Variants in MITF observed in about 807,000 individuals in gnomAD.
The protein encoded by MITF is melanocyte inducing transcription factor.
MITF carries 17 observed loss-of-function variants against 60.5 expected under a neutral mutation model. The observed-to-expected ratio is 0.28, with a 90% confidence interval of 0.19 to 0.42. The LOEUF is 0.42. Ranked by LOEUF, MITF falls within the 10% of genes least tolerant of loss-of-function variation. The pLI, the probability that MITF is intolerant of heterozygous loss-of-function variation, is 1.00. For synonymous variants in MITF, 260 were observed against 248.5 expected (o/e 1.05, Z -0.43); for missense variants, 622 against 683.5 (o/e 0.91, Z 1.00).
chr3:69,751,381 G>A (rs1052336316), intron 1 of MITF, among the ~76,000 whole-genome samples: 4 of 152,060 alleles, frequency 2.6e-5, no homozygotes, highest in African/African-American at 9.7e-5. Flanking sequence ...CGTTCCCCTT[G>A]TTCTGAATCT....
At chr3:69,855,825 G>C (rs1375986100) in intron 1 of MITF, among the ~76,000 whole-genome samples, 1 of 152,134 alleles carries the variant, frequency 6.6e-6, no homozygotes, top group African/African-American at 2.4e-5. Flanking sequence ...GCATCAACCT[G>C]TAGCATGCCT....
At chr3:69,830,552 C>T (rs2063429477) in intron 1 of MITF, among the ~76,000 whole-genome samples, 1 of 152,170 alleles carries the variant, frequency 6.6e-6, no homozygotes, top group Non-Finnish European at 1.5e-5. Flanking sequence ...TTAACATTTT[C>T]TGTGCTTAGT....
rs1284114589 is a variant in MITF at position 69,959,253 on chromosome 3, T to C, written c.1032-20T>C. 1 of 1,613,614 alleles carries C rather than the reference T, an allele frequency of 6.2e-7. No homozygotes were observed. On this transcript the variant is annotated intron_variant, in intron 8 of 9. Coordinates refer to ENST00000352241, the MANE Select transcript of MITF (RefSeq NM_001354604.2). The stretch of plus-strand genomic sequence containing the variant: ...GCCTCAAATCCTAAAAATATCTGTT[T>C]TCCTCCATTTTCATCGCAGAGACAT...
intron 2 of MITF, among the ~76,000 whole-genome samples, chr3:69,929,881 A>T (rs2065679076): frequency 6.6e-6 from 1 of 152,130 alleles, no homozygotes; most frequent in South Asian, 2.1e-4. Context: ...GAAGATGGAA[A>T]CAATATTTCT....
intron 1 of MITF, among the ~76,000 whole-genome samples, chr3:69,858,720 C>T (rs2063961860): frequency 6.6e-6 from 1 of 152,104 alleles, no homozygotes; most frequent in African/African-American, 2.4e-5. Flanking sequence ...ATATATTATT[C>T]ACAGATTTAT....
intron 1 of MITF, among the ~76,000 whole-genome samples, chr3:69,834,810 T>C (rs1460466820): frequency 6.6e-6 from 1 of 151,824 alleles, no homozygotes; most frequent in African/African-American, 2.4e-5. Context: ...AAGTGTTCCT[T>C]TTTCTCCACA....
At chr3:69,786,464 T>C (rs2062651254) in intron 1 of MITF, among the ~76,000 whole-genome samples, 1 of 152,162 alleles carries the variant, frequency 6.6e-6, no homozygotes, top group South Asian at 2.1e-4. Flanking sequence ...GTTCCTTCAA[T>C]TTAGTTAACA....
At chr3:69,954,460 C>G (rs1559747369) in intron 7 of MITF, among the ~76,000 whole-genome samples, 1 of 152,080 alleles carries the variant, frequency 6.6e-6, no homozygotes, top group Non-Finnish European at 1.5e-5. Flanking sequence ...CAGAAAGTCT[C>G]TTAGGTAAAT....
At chr3:69,779,595 C>T (rs953359903) in intron 1 of MITF, among the ~76,000 whole-genome samples, 5 of 151,906 alleles carry the variant, frequency 3.3e-5, no homozygotes, top group African/African-American at 9.7e-5. Context: ...TCTGGCTGAG[C>T]GAGCTTGAAC....
intron 1 of MITF, among the ~76,000 whole-genome samples, chr3:69,855,600 C>T (rs2063904590): frequency 6.6e-6 from 1 of 151,562 alleles, no homozygotes; most frequent in Non-Finnish European, 1.5e-5. Context: ...CTCACGAATC[C>T]CAAAGCATTA....
At chr3:69,822,924 G>C (rs1395058782) in intron 1 of MITF, among the ~76,000 whole-genome samples, 1 of 148,540 alleles carries the variant, frequency 6.7e-6, no homozygotes, top group Non-Finnish European at 1.5e-5. Context: ...TTTCTTGAAA[G>C]AGTCTCACTC....
intron 1 of MITF, among the ~76,000 whole-genome samples, chr3:69,856,367 A>G (rs1422337291): frequency 2.0e-5 from 3 of 152,228 alleles, no homozygotes; most frequent in Non-Finnish European, 4.4e-5. Flanking sequence ...AATGAAATTG[A>G]AAGAAAATTG....
At chr3:69,939,204 G>A (rs754718980) in intron 4 of MITF, 23 bp downstream of exon 4, 1 of 1,598,874 alleles carries the variant, frequency 6.3e-7, no homozygotes, top group South Asian at 1.1e-5. Context: ...TTGGCAGCCT[G>A]AGGATGAACA....
At chr3:69,955,180 T>C (rs558948137) in intron 7 of MITF, among the ~76,000 whole-genome samples, 134 of 152,276 alleles carry the variant, frequency 8.8e-4, no homozygotes, top group African/African-American at 3.0e-3. Flanking sequence ...CATTCACCAC[T>C]GGTGCCTACT....
At chr3:69,840,650 A>G (rs1399520340) in intron 1 of MITF, among the ~76,000 whole-genome samples, 1 of 152,100 alleles carries the variant, frequency 6.6e-6, no homozygotes, top group East Asian at 1.9e-4. Flanking sequence ...AGATATGTGA[A>G]TTATCCAGCC....
intron 2 of MITF, among the ~76,000 whole-genome samples, chr3:69,899,215 A>T (rs1414917805): frequency 6.6e-6 from 1 of 152,172 alleles, no homozygotes; most frequent in African/African-American, 2.4e-5. Context: ...AGAAAAGCAG[A>T]TGCTGAGACC....
chr3:69,885,226 A>T (rs533099400), intron 2 of MITF, among the ~76,000 whole-genome samples: 49 of 152,228 alleles, frequency 3.2e-4, no homozygotes, highest in Admixed American at 2.9e-3. Flanking sequence ...CATCTTCTCC[A>T]TGAGCCCCTT....
chr3:69,909,034 A>G (rs991862455), intron 2 of MITF, among the ~76,000 whole-genome samples: 29 of 152,258 alleles, frequency 1.9e-4, no homozygotes, highest in African/African-American at 6.5e-4. Flanking sequence ...TTTTAAAGAC[A>G]TGGTGATACG....
At chr3:69,958,443 G>A (rs1000624152) in intron 8 of MITF, among the ~76,000 whole-genome samples, 4 of 152,118 alleles carry the variant, frequency 2.6e-5, no homozygotes, top group African/African-American at 4.8e-5. Flanking sequence ...TGTTCTTCAT[G>A]TAACCCAGAT....
Sources: gnomAD v4.1 joint callset for allele counts (sites outside exome capture counted in the v4.1 genomes callset) on GRCh38, gnomAD v4.1.1 for gene constraint, MANE v1.5 for transcripts, NCBI Gene and HGNC (gene_info 2026-07-23, HGNC 2026-07-21) for gene names.